The following SLC38A10 variants were observed in gnomAD, a reference collection of about 807,000 sequenced individuals.
The protein encoded by SLC38A10 is Sodium-coupled neutral amino acid transporter 10.
Under a neutral mutation model 81.0 loss-of-function variants are expected in SLC38A10, and 53 were observed. The observed-to-expected ratio is 0.65, with a 90% CI of 0.53 to 0.82. The LOEUF (loss-of-function observed/expected upper bound fraction) is 0.82, where lower values mean the gene tolerates loss of function less well. Ranked by LOEUF, SLC38A10 falls within the 40% of genes least tolerant of loss-of-function variation. The pLI is 0.00. For synonymous variants in SLC38A10, 665 were observed against 655.3 expected, an observed-to-expected ratio of 1.01 and a Z score of -0.23; for missense variants, 1,471 against 1,545.0, an observed-to-expected ratio of 0.95 and a Z score of 0.80.
At position 81,245,673 on chromosome 17, in the gene SLC38A10, C is replaced by T; in HGVS notation, c.3243G>A (p.Gln1081=). ...CCAGGGCGCCACGGAGGTCGTTCAC[C>T]TGGACATCAGGCAGGGGGTTAAGGC... ...IIGLNPLPDV[Q]VNDLRGALDA... is the part of the protein sequence containing the mutation. The change falls in exon 16 of 16, where the codon CAG becomes CAA. Residue 1081 remains glutamine (Q), a synonymous_variant. Transcript: ENST00000374759. 2 of 1,609,884 alleles carry T rather than the reference C, an allele frequency of 1.2e-6. No individual in the cohort carries two copies. The highest frequency in any genetic ancestry group is 1.7e-6 in the Non-Finnish European group (2 of 1,178,500).
rs1567945390 is a variant in SLC38A10, at chr17:81,282,192, GA to G, written c.497del (p.Phe166SerfsTer2). 6.2e-7 allele frequency: 1 copy of G among 1,613,428 alleles called. No homozygotes were observed. The highest frequency in any genetic ancestry group is 8.5e-7 in the Non-Finnish European group (1 of 1,179,832). ...MALLFYTVFM[F>X]VIVLSSLKHG... ...CCCACGCGCGCTGCCGACTCACCACGAACATGAACACGGTGTAGAAGAGGAG... is the reference window on the plus strand; with the variant it reads ...CCCACGCGCGCTGCCGACTCACCACGACATGAACACGGTGTAGAAGAGGAG... On this transcript the variant is annotated frameshift_variant, in exon 5 of 16. Transcript: ENST00000374759. LOFTEE classifies it high-confidence loss of function.
At chr17:81,258,809 G>A (rs879306254) in intron 11 of SLC38A10, among the ~76,000 whole-genome samples, 14 of 152,222 alleles carry the variant, frequency 9.2e-5, no homozygotes, top group Non-Finnish European at 1.6e-4. Flanking sequence ...TTTCCAGTCC[G>A]AATTACCAAA....
At position 81,270,979 on chromosome 17, in the gene SLC38A10, A is replaced by T; in HGVS notation, c.1070T>A (p.Ile357Asn). The T allele has an allele frequency of 6.2e-7, 1 of 1,613,792 alleles. No individual in the cohort carries two copies. Among genetic ancestry groups the T allele is most frequent in the South Asian group, 1.1e-5 (1 of 91,086 alleles). ...GATCAGCGCCGGGCAGATGAAGCAGATGAGGCTTCCCATGGTCGCTCCTGT... is the reference window on the plus strand; with the variant it reads ...GATCAGCGCCGGGCAGATGAAGCAGTTGAGGCTTCCCATGGTCGCTCCTGT... ...GLTGATMGSL[I>N]CFICPALIYK... is the part of the protein sequence containing the mutation. The change falls in exon 10 of 16, where the codon ATC becomes AAC. Residue 357 changes from isoleucine (I) to asparagine (N), a missense_variant. By Grantham distance (149) the Ile-to-Asn change is moderately radical. Around this residue, in one of 2 missense-constraint regions of SLC38A10, gnomAD observed 720 missense variants for 827.7 expected, o/e 0.87. Coordinates refer to ENST00000374759, the MANE Select transcript of SLC38A10 (RefSeq NM_001037984.3). The surrounding 1 kb of genome is among the most constrained non-coding windows in gnomAD (Gnocchi z 4.0).
chr17:81,285,004 C>G (rs2063250720), intron 2 of SLC38A10, 109 bp from the exon 3 acceptor site: 2 of 919,506 alleles, frequency 2.2e-6, no homozygotes, highest in Non-Finnish European at 3.1e-6. Context: ...CCCACGGGCC[C>G]AGATTCTCCG....
At chr17:81,282,065 C>G in intron 5 of SLC38A10, 124 bp downstream of exon 5, 1 of 1,384,972 alleles carries the variant, frequency 7.2e-7, no homozygotes, top group Admixed American at 1.8e-5. Flanking sequence ...CCTGCTACTT[C>G]CAACACATTC....
chr17:81,263,259 G>A (rs1198481671), intron 10 of SLC38A10: 1 of 152,322 alleles, frequency 6.6e-6, no homozygotes, highest in African/African-American at 2.4e-5. Flanking sequence ...GAATCTTTGG[G>A]CTGGGACAAG....
In SLC38A10 at chr17:81,265,562, C is replaced by T. The variant is rs1354735629; in HGVS notation, c.1132-5168G>A. On this transcript the variant is annotated intron_variant, in intron 10 of 15. Transcript: ENST00000374759. This position sits in a 1 kb window ranked among gnomAD's most constrained non-coding sequence, Gnocchi z 4.2. ...CCTACTACACAGGTGTCCCCACTTC[C>T]CTGTCCACCCCAGCATATCACCAGT... Among the ~76,000 whole-genome samples the T allele has an allele frequency of 3.9e-5, 6 of 152,220 alleles. No individual in the cohort carries two copies. Among genetic ancestry groups the T allele is most frequent in the Non-Finnish European group, 8.8e-5 (6 of 68,032 alleles).
intron 10 of SLC38A10, among the ~76,000 whole-genome samples, chr17:81,262,129 G>A (rs1008612656): frequency 1.3e-5 from 2 of 152,252 alleles, no homozygotes; most frequent in African/African-American, 4.8e-5. Flanking sequence ...GGGAGCAGGT[G>A]TGGAACGGCC....
rs771949329 is a variant in SLC38A10, at chr17:81,252,460, C to T, written c.1680G>A (p.Arg560=). Residue 560 remains arginine (R), a synonymous_variant, in exon 13 of 16, where the codon AGG becomes AGA. Transcript: ENST00000374759. ...QEPEQGEVGK[R]PGQAQALEEA... is the part of the protein sequence containing the mutation. ...CCTCCAAGGCCTGGGCCTGTCCAGG[C>T]CTCTTCCCAACCTCTCCCTGCTCCG... The T allele has an allele frequency of 1.9e-6, 3 of 1,613,318 alleles. No individual in the cohort carries two copies. The highest frequency in any genetic ancestry group is 1.7e-5 in the Admixed American group (1 of 60,006).
At chr17:81,249,220 G>A (rs1289564152) in intron 14 of SLC38A10, among the ~76,000 whole-genome samples, 2 of 130,058 alleles carry the variant, frequency 1.5e-5, no homozygotes, top group African/African-American at 6.0e-5. Context: ...GAGGAGGGAG[G>A]GAGAAAGAGG....
chr17:81,289,867 A>ACC lies in SLC38A10; in HGVS notation c.100-61_100-60dup. On this transcript the variant is annotated intron_variant, in intron 1 of 15. Transcript: ENST00000374759. This position sits in a 1 kb window ranked among gnomAD's most constrained non-coding sequence, Gnocchi z 5.9. ...CAGCAGGTGCTCCCCAGAGGCCCTC[A>ACC]CCCCACACACGCGGCTCATGAGGAC... is the stretch of plus-strand genomic sequence containing the variant. 1 of 1,388,946 alleles carries ACC rather than the reference A, an allele frequency of 7.2e-7. No homozygotes were observed. The highest frequency in any genetic ancestry group is 9.7e-7 in the Non-Finnish European group (1 of 1,026,998). 86.0% of individuals were successfully genotyped at this position (1,388,946 alleles called of 1,614,324 possible).
In SLC38A10 at chr17:81,276,966, C is replaced by T. The variant is rs1598399154; in HGVS notation, c.729+65G>A. On this transcript the variant is annotated intron_variant, in intron 7 of 15. Coordinates refer to ENST00000374759, the MANE Select transcript of SLC38A10 (RefSeq NM_001037984.3). The surrounding 1 kb of genome is among the most constrained non-coding windows in gnomAD (Gnocchi z 4.7). ...CAGGGCCATGCCTGTGGCAGTCCCA[C>T]GGGGCACCACGGCACATCATGCTGG... The T allele has an allele frequency of 2.3e-5, 34 of 1,505,626 alleles. No individual in the cohort carries two copies. The highest frequency in any genetic ancestry group is 8.4e-5 in the Admixed American group (5 of 59,502). 93.3% of individuals were successfully genotyped at this position (1,505,626 alleles called of 1,614,324 possible). A position where few individuals can be genotyped will look rare whatever the true frequency, so the allele number is the denominator to read the frequency against.
intron 1 of SLC38A10, among the ~76,000 whole-genome samples, chr17:81,293,553 T>C (rs143702295): frequency 0.013 from 1,932 of 151,726 alleles, 48 homozygotes; most frequent in African/African-American, 0.043. Flanking sequence ...CTCACTGTAA[T>C]CTCAAACTCC....
intron 11 of SLC38A10, among the ~76,000 whole-genome samples, chr17:81,256,961 C>G (rs1311698564): frequency 2.0e-5 from 3 of 152,242 alleles, no homozygotes; most frequent in African/African-American, 7.2e-5. Context: ...TCCGCCGTGG[C>G]TGGCACCACT....
chr17:81,287,372 G>A (rs72850641), intron 2 of SLC38A10, among the ~76,000 whole-genome samples: 6,299 of 152,318 alleles, frequency 0.041, 186 homozygotes, highest in Middle Eastern at 0.085. Flanking sequence ...GAAGACTGCA[G>A]TGTGGAGCTG....
chr17:81,273,312 G>C (rs898683675), intron 8 of SLC38A10, among the ~76,000 whole-genome samples: 1 of 152,128 alleles, frequency 6.6e-6, no homozygotes, highest in African/African-American at 2.4e-5. Flanking sequence ...CCCAGCTGTG[G>C]TCTCTAGTAC....
At chr17:81,248,670 A>T (rs560335912) in intron 14 of SLC38A10, among the ~76,000 whole-genome samples, 1 of 152,356 alleles carries the variant, frequency 6.6e-6, no homozygotes, top group South Asian at 2.1e-4. Context: ...TATCTCAGGG[A>T]CGGCCCTGCA....
chr17:81,282,053 A>G, intron 5 of SLC38A10, 136 bp downstream of exon 5: 1 of 1,296,552 alleles, frequency 7.7e-7, no homozygotes, highest in Non-Finnish European at 1.1e-6. Flanking sequence ...TTCCTGGTAC[A>G]TCCTGCTACT....
rs1320035375 is a variant in SLC38A10 at position 81,251,537 on chromosome 17, T to A, written c.2021A>T (p.Asp674Val). ...CTGGTTTCCACCCGCTCGCTCCACG[T>A]CCCTCTGCTCGCGAGGCTCGGGCGG... The part of the protein sequence containing the change: ...GLPPEPREQR[D>V]VERAGGNQAA... Residue 674 changes from aspartate (D) to valine (V), a missense_variant, in exon 14 of 16, where the codon GAC (aspartate) becomes GTC (valine). By Grantham distance (152) the Asp-to-Val change is radical. Transcript: ENST00000374759. The A allele has an allele frequency of 6.4e-7, 1 of 1,552,282 alleles. No individual in the cohort carries two copies. Among genetic ancestry groups the A allele is most frequent in the East Asian group, 2.3e-5 (1 of 44,136 alleles).
Sources: gnomAD v4.1 joint callset for allele counts (sites outside exome capture counted in the v4.1 genomes callset) on GRCh38, gnomAD v4.1.1 for gene constraint, gnomAD v4.1.1 regional missense constraint, Gnocchi (gnomAD v3.1) non-coding constraint, MANE v1.5 for transcripts, NCBI Gene and HGNC (gene_info 2026-07-23, HGNC 2026-07-21) for gene names.